SCN7A: variants seen among roughly 807,000 people sequenced by gnomAD.
The protein encoded by SCN7A is sodium voltage-gated channel alpha subunit 7.
A neutral mutation model predicts 155.2 loss-of-function variants in SCN7A; 138 were observed. The ratio of observed to expected loss-of-function variants is 0.89; its 90% confidence interval spans 0.77 to 1.02. SCN7A has a LOEUF of 1.02. Ranked by LOEUF, SCN7A falls within the 50% of genes least tolerant of loss-of-function variation. The pLI, the probability that SCN7A is intolerant of heterozygous loss-of-function variation, is 0.00. For synonymous variants in SCN7A, 693 were observed against 649.0 expected (o/e 1.07, Z -1.03); for missense variants, 2,058 against 1,986.6 (o/e 1.04, Z -0.68).
chr2:166,475,093 C>CGTATATATGTATATATATATATAT (rs1193173809), intron 3 of SCN7A, among the ~76,000 whole-genome samples: 21 of 129,558 alleles, frequency 1.6e-4, no homozygotes, highest in African/African-American at 2.6e-4. Flanking sequence ...TATATATATA[C>CGTATATATGTATATATATATATAT]ACATATATAT....
At chr2:166,433,325 C>T (rs1381134025) in intron 15 of SCN7A, among the ~76,000 whole-genome samples, 4 of 152,014 alleles carry the variant, frequency 2.6e-5, no homozygotes, top group Non-Finnish European at 2.9e-5. Flanking sequence ...CAATTTTATA[C>T]ATTAACTTAA....
intron 9 of SCN7A, among the ~76,000 whole-genome samples, chr2:166,465,258 T>A (rs994160933): frequency 3.3e-5 from 5 of 152,196 alleles, no homozygotes; most frequent in Non-Finnish European, 7.4e-5. Flanking sequence ...CTGTGAGTAA[T>A]ACACTTCTGT....
chr2:166,481,877 G>A (rs1438105875), intron 2 of SCN7A, among the ~76,000 whole-genome samples: 4 of 152,152 alleles, frequency 2.6e-5, no homozygotes, highest in Admixed American at 6.5e-5. Context: ...CAAAAAGGAT[G>A]AACTAGAATC....
At chr2:166,430,027 C>G (rs71428925) in intron 16 of SCN7A, among the ~76,000 whole-genome samples, 1 of 151,976 alleles carries the variant, frequency 6.6e-6, no homozygotes, top group South Asian at 2.1e-4. Flanking sequence ...TACCGTAAAT[C>G]ATTCTTTAAA....
chr2:166,426,965 A>C (rs1559096825), intron 18 of SCN7A, among the ~76,000 whole-genome samples: 1 of 152,188 alleles, frequency 6.6e-6, no homozygotes, highest in East Asian at 1.9e-4. Flanking sequence ...TGTATGTAAG[A>C]ATTCTCCTTA....
intron 6 of SCN7A, 101 bp from the exon 7 acceptor site, chr2:166,470,807 G>A: frequency 1.0e-6 from 1 of 965,336 alleles, no homozygotes; most frequent in African/African-American, 1.7e-5. Context: ...AACCATATAT[G>A]CAAACATTTC....
chr2:166,418,996 C>T (rs1196905256), intron 20 of SCN7A, among the ~76,000 whole-genome samples: 1 of 152,176 alleles, frequency 6.6e-6, no homozygotes. Flanking sequence ...GAATTGTCCA[C>T]AGCCATTGTT....
chr2:166,488,425 G>A (rs1378223021), intron 1 of SCN7A, among the ~76,000 whole-genome samples: 1 of 152,074 alleles, frequency 6.6e-6, no homozygotes, highest in Non-Finnish European at 1.5e-5. Flanking sequence ...GAAGATGACT[G>A]AAGCTAACGA....
intron 10 of SCN7A, chr2:166,462,149 C>G: frequency 2.9e-6 from 1 of 342,016 alleles, no homozygotes; most frequent in East Asian, 4.5e-5. Flanking sequence ...TCTCTCTCCT[C>G]TCTTCTCTCT....
At chr2:166,440,920 A>G (rs1444180950) in intron 15 of SCN7A, 2 of 163,006 alleles carry the variant, frequency 1.2e-5, no homozygotes, top group South Asian at 2.0e-4. Flanking sequence ...AATATGCTAG[A>G]CAAAGGGATG....
At chr2:166,457,217 A>G in intron 10 of SCN7A, 141 bp from the exon 11 acceptor site, 2 of 628,554 alleles carry the variant, frequency 3.2e-6, no homozygotes, top group Non-Finnish European at 5.4e-6. Context: ...CTGTTTAAGC[A>G]CTGGCTCCAC....
intron 21 of SCN7A, 113 bp from the exon 22 acceptor site, chr2:166,413,234 T>A (rs1701241224): frequency 1.9e-6 from 1 of 533,740 alleles, no homozygotes; most frequent in African/African-American, 2.0e-5. Flanking sequence ...CACTTCCATA[T>A]ACTGTGTAAT....
chr2:166,409,932 T>C lies in SCN7A; in HGVS notation c.3715A>G (p.Lys1239Glu), dbSNP rs1374241582. The C allele has an allele frequency of 3.9e-6, 6 of 1,558,388 alleles. No individual in the cohort carries two copies. The highest frequency in any genetic ancestry group is 5.2e-6 in the Non-Finnish European group (6 of 1,150,324). ...SQRPVPRPLN[K>E]LQGFIFDVVT... ...ACATCAAAGATGAATCCTTGGAGCT[T>C]GTTCTGTGGGTAAAATCAACAGGTG... is the stretch of plus-strand genomic sequence containing the variant. The change falls in exon 25 of 26, where the codon AAG becomes GAG. Residue 1239 changes from lysine (K) to glutamate (E), a missense_variant. Coordinates refer to ENST00000643258, the MANE Select transcript of SCN7A (RefSeq NM_002976.4).
At chr2:166,463,876 C>T (rs1378954890) in intron 9 of SCN7A, among the ~76,000 whole-genome samples, 5 of 151,856 alleles carry the variant, frequency 3.3e-5, no homozygotes, top group Non-Finnish European at 2.9e-5. Context: ...GGCAACACGG[C>T]GAAAACCCAT....
chr2:166,414,783 ATAT>A (rs1396189444), intron 21 of SCN7A: 2 of 137,120 alleles, frequency 1.5e-5, no homozygotes, highest in East Asian at 2.0e-4. Context: ...CATAGAATAT[ATAT>A]TATTATATAG....
intron 10 of SCN7A, among the ~76,000 whole-genome samples, chr2:166,458,958 A>G (rs550487980): frequency 1.3e-5 from 2 of 152,310 alleles, no homozygotes; most frequent in South Asian, 4.1e-4. Context: ...AATTTAACTT[A>G]TACAGGAGAA....
chr2:166,435,183 C>G (rs1318439036), intron 15 of SCN7A, among the ~76,000 whole-genome samples: 3 of 152,024 alleles, frequency 2.0e-5, no homozygotes, highest in Non-Finnish European at 4.4e-5. Context: ...AGAAATGCTA[C>G]TGCTTTGTTC....
intron 10 of SCN7A, among the ~76,000 whole-genome samples, chr2:166,461,263 T>A (rs1306131563): frequency 6.6e-6 from 1 of 152,092 alleles, no homozygotes; most frequent in Non-Finnish European, 1.5e-5. Context: ...TGTGTATGTA[T>A]GTTTGTTTAA....
rs148345762 is a variant in SCN7A at position 166,424,999 on chromosome 2, C to T, written c.2854-1567G>A. Among the ~76,000 whole-genome samples the T allele has an allele frequency of 8.5e-5, 13 of 152,200 alleles. No individual in the cohort carries two copies. The East Asian group carries it at 2.1e-3, about 25-fold the overall frequency. On this transcript the variant is annotated intron_variant, in intron 18 of 25. Transcript: ENST00000643258. Reference sequence around the variant, plus strand: ...TGCCTCTGCTAAACAAGAGCCACCCCGCCTGAGAGGCAATGTTTCCACTCC... The same window carrying T: ...TGCCTCTGCTAAACAAGAGCCACCCTGCCTGAGAGGCAATGTTTCCACTCC...
Sources: allele counts gnomAD v4.1 joint callset (sites outside exome capture counted in the v4.1 genomes callset), GRCh38; gene constraint gnomAD v4.1.1; transcripts MANE v1.5; gene names NCBI Gene and HGNC (gene_info 2026-07-23, HGNC 2026-07-21).